The following RBM27 variants were observed in gnomAD, a reference collection of about 807,000 sequenced individuals.
RBM27 encodes RNA binding motif protein 27.
RBM27 carries 22 observed loss-of-function variants against 135.3 expected under a neutral mutation model. That is an observed-to-expected ratio of 0.16 (90% CI 0.12 to 0.23). The LOEUF (loss-of-function observed/expected upper bound fraction) is 0.23, where lower values mean the gene tolerates loss of function less well. Ranked by LOEUF, RBM27 falls within the 10% of genes least tolerant of loss-of-function variation. The pLI, the probability that RBM27 is intolerant of heterozygous loss-of-function variation, is 1.00. For synonymous variants in RBM27, 481 were observed against 442.4 expected (o/e 1.09, Z -1.10); for missense variants, 1,009 against 1,281.0 (o/e 0.79, Z 3.24).
chr5:146,264,144 T>C (rs891560049), intron 14 of RBM27, among the ~76,000 whole-genome samples: 33 of 151,564 alleles, frequency 2.2e-4, no homozygotes, highest in African/African-American at 7.5e-4. Context: ...CCAAGTTAAG[T>C]AGGAATTTGA....
Position 146,284,786 on chromosome 5 carries a change from A to G in RBM27, c.3099+54A>G, listed in dbSNP as rs1422958341. 6.5e-6 allele frequency: 7 copies of G among 1,070,436 alleles called. No homozygotes were observed. The East Asian group carries it at 1.2e-4, about 19-fold the overall frequency. The allele number at this position is 1,070,436 out of a possible 1,614,324, so 66.3% of individuals were successfully genotyped here. Reference sequence around the variant, plus strand: ...GAATTAGATCACTTCTCAATTATGTATTTTTTATGATATTAAATAGTATAA... The same window carrying G: ...GAATTAGATCACTTCTCAATTATGTGTTTTTTATGATATTAAATAGTATAA... On this transcript the variant is annotated intron_variant, in intron 20 of 20. Transcript: ENST00000265271.
intron 2 of RBM27, among the ~76,000 whole-genome samples, chr5:146,221,845 A>G (rs1239440001): frequency 2.0e-5 from 3 of 152,198 alleles, no homozygotes; most frequent in Admixed American, 6.6e-5. Flanking sequence ...GTCTGTGTTT[A>G]TATTGCATCT....
intron 10 of RBM27, among the ~76,000 whole-genome samples, chr5:146,255,788 GT>G (rs1478928519): frequency 1.3e-5 from 2 of 151,490 alleles, no homozygotes. Flanking sequence ...TGACACAATA[GT>G]TTTTTGATTA....
At position 146,282,038 on chromosome 5, in the gene RBM27, C is replaced by A. The variant is rs1261348886; in HGVS notation, c.2989-2584C>A. On this transcript the variant is annotated intron_variant, in intron 19 of 20. Coordinates refer to ENST00000265271, the MANE Select transcript of RBM27 (RefSeq NM_018989.2). ...TTTTTTTTTGAGATGGAGTCTCACTCTGTTGCCCAGGCCAGATCACAGTGG... is the reference window on the plus strand; with the variant it reads ...TTTTTTTTTGAGATGGAGTCTCACTATGTTGCCCAGGCCAGATCACAGTGG... Among the ~76,000 whole-genome samples the A allele has an allele frequency of 2.4e-5, 3 of 122,636 alleles. No homozygotes were observed. The East Asian group carries it at 7.6e-4, about 31-fold the overall frequency. The allele number at this position is 122,636 out of a possible 152,430, so 80.5% of individuals were successfully genotyped here. A position where few individuals can be genotyped will look rare whatever the true frequency, so the allele number is the denominator to read the frequency against.
intron 3 of RBM27, 55 bp from the exon 4 acceptor site, chr5:146,228,891 G>A: frequency 7.0e-7 from 1 of 1,433,954 alleles, no homozygotes; most frequent in South Asian, 1.2e-5. Context: ...GGGATTACAG[G>A]TGTGAGCCAC....
chr5:146,241,371 C>T (rs1388852969), intron 8 of RBM27, among the ~76,000 whole-genome samples: 2 of 152,054 alleles, frequency 1.3e-5, no homozygotes, highest in Non-Finnish European at 2.9e-5. Context: ...ACTAGGGAGC[C>T]AAGGTGAATA....
intron 20 of RBM27, among the ~76,000 whole-genome samples, chr5:146,285,445 G>GTA (rs1186865996): frequency 1.3e-5 from 2 of 152,162 alleles, no homozygotes; most frequent in Non-Finnish European, 2.9e-5. Context: ...AGAAGTCATG[G>GTA]TATTTGGGTA....
chr5:146,206,575 A>G (rs1206343746), intron 1 of RBM27, among the ~76,000 whole-genome samples: 1 of 146,968 alleles, frequency 6.8e-6, no homozygotes, highest in Non-Finnish European at 1.5e-5. Flanking sequence ...AAAATACTTT[A>G]TTTGTTTGTT....
chr5:146,231,720 C>T (rs919729935), intron 6 of RBM27, among the ~76,000 whole-genome samples: 4 of 151,680 alleles, frequency 2.6e-5, no homozygotes, highest in Admixed American at 6.6e-5. Context: ...CAAGTTGAAG[C>T]GATTTTCCTG....
In RBM27 at chr5:146,269,487, C is replaced by G; in HGVS notation, c.2594C>G (p.Thr865Ser). Reference sequence around the variant, plus strand: ...GAAGAAAGAGCAAATATAATGAAGACTTTGAAAGAGCTTGGAGAGAAGATC... The same window carrying G: ...GAAGAAAGAGCAAATATAATGAAGAGTTTGAAAGAGCTTGGAGAGAAGATC... ...KPEERANIMK[T>S]LKELGEKISQ... The change falls in exon 17 of 21, where the codon ACT (threonine) becomes AGT (serine). Residue 865 changes from threonine (T) to serine (S), a missense_variant. Coordinates refer to ENST00000265271, the MANE Select transcript of RBM27 (RefSeq NM_018989.2). 6.3e-7 allele frequency: 1 copy of G among 1,583,782 alleles called. No individual in the cohort carries two copies. The highest frequency in any genetic ancestry group is 8.6e-7 in the Non-Finnish European group (1 of 1,167,110).
intron 9 of RBM27, 25 bp downstream of exon 9, chr5:146,251,900 C>A: frequency 6.2e-7 from 1 of 1,608,062 alleles, no homozygotes; most frequent in Non-Finnish European, 8.5e-7. Flanking sequence ...AGATGGCCAT[C>A]CACCTCACTG....
chr5:146,206,050 A>G (rs1751055332), intron 1 of RBM27, among the ~76,000 whole-genome samples: 1 of 152,152 alleles, frequency 6.6e-6, no homozygotes, highest in South Asian at 2.1e-4. Flanking sequence ...AGTGTTATTC[A>G]TGTTATTTAA....
At chr5:146,252,840 T>C in intron 9 of RBM27, among the ~76,000 whole-genome samples, 1 of 152,276 alleles carries the variant, frequency 6.6e-6, no homozygotes, top group East Asian at 1.9e-4. Flanking sequence ...ATACTGTCTT[T>C]AGTTGTCTTA....
chr5:146,240,985 A>G (rs1010128224), intron 8 of RBM27, among the ~76,000 whole-genome samples: 1 of 152,088 alleles, frequency 6.6e-6, no homozygotes, highest in African/African-American at 2.4e-5. Flanking sequence ...ACCTTTATCA[A>G]TTTATAGCGG....
intron 19 of RBM27, among the ~76,000 whole-genome samples, chr5:146,275,568 A>G (rs1479069223): frequency 1.3e-5 from 2 of 152,152 alleles, no homozygotes; most frequent in Non-Finnish European, 2.9e-5. Flanking sequence ...CGCCCGGCCC[A>G]GAAAGAACTT....
chr5:146,209,673 C>T (rs1285807674), intron 1 of RBM27, among the ~76,000 whole-genome samples: 1 of 152,090 alleles, frequency 6.6e-6, no homozygotes, highest in Non-Finnish European at 1.5e-5. Context: ...GAGCTGACCA[C>T]CTGGTAAATA....
chr5:146,278,561 G>A (rs953893065), intron 19 of RBM27, among the ~76,000 whole-genome samples: 5 of 151,950 alleles, frequency 3.3e-5, no homozygotes, highest in Admixed American at 6.6e-5. Context: ...ATACAACACC[G>A]TTTTGCCATA....
rs891540536 is a variant in RBM27 at position 146,287,705 on chromosome 5, T to G, written c.*1675T>G. Reference sequence around the variant, plus strand: ...TTCTACATGTTTTCCTGGAATGATGTGTCAAACCAGGGTCATTTTTAAGTT... The same window carrying G: ...TTCTACATGTTTTCCTGGAATGATGGGTCAAACCAGGGTCATTTTTAAGTT... On this transcript the variant is annotated 3_prime_UTR_variant, in exon 21 of 21. Coordinates refer to ENST00000265271, the MANE Select transcript of RBM27 (RefSeq NM_018989.2). 2 of 152,198 alleles carry G rather than the reference T, an allele frequency of 1.3e-5. No homozygotes were observed. Among genetic ancestry groups the G allele is most frequent in the African/African-American group, 4.8e-5 (2 of 41,450 alleles). The allele number at this position is 152,198 out of a possible 1,614,324, so 9.4% of individuals were successfully genotyped here.
chr5:146,280,704 G>A (rs1043147766), intron 19 of RBM27, among the ~76,000 whole-genome samples: 1 of 152,044 alleles, frequency 6.6e-6, no homozygotes, highest in South Asian at 2.1e-4. Flanking sequence ...CAATACTTAT[G>A]GTGTTTTGTG....
Sources: gnomAD v4.1 joint callset for allele counts (sites outside exome capture counted in the v4.1 genomes callset) on GRCh38, gnomAD v4.1.1 for gene constraint, MANE v1.5 for transcripts, NCBI Gene and HGNC (gene_info 2026-07-23, HGNC 2026-07-21) for gene names.